PIP5K1C: variants seen among roughly 807,000 people sequenced by gnomAD.
PIP5K1C encodes the protein phosphatidylinositol-4-phosphate 5-kinase type 1 gamma, also known as phosphatidylinositol 4-phosphate 5-kinase type-1 gamma.
In PIP5K1C, 45 loss-of-function variants were observed where a neutral mutation model predicts 80.1. The ratio of observed to expected loss-of-function variants is 0.56; its 90% CI spans 0.44 to 0.72. The LOEUF (loss-of-function observed/expected upper bound fraction) is 0.72, where lower values mean the gene tolerates loss of function less well. PIP5K1C is among the 30% of genes least tolerant of loss of function. The pLI, the probability that PIP5K1C is intolerant of heterozygous loss-of-function variation, is 0.00. For synonymous variants in PIP5K1C, 498 were observed against 420.1 expected (o/e 1.19, Z -2.27); for missense variants, 753 against 954.6 (o/e 0.79, Z 2.78).
intron 1 of PIP5K1C, among the ~76,000 whole-genome samples, chr19:3,689,057 C>T (rs1043774656): frequency 3.3e-5 from 5 of 152,214 alleles, no homozygotes; most frequent in African/African-American, 1.2e-4. Context: ...CTCACTCTGT[C>T]GCCCAGGCTG....
chr19:3,642,707 G>A (rs561404957), intron 14 of PIP5K1C, among the ~76,000 whole-genome samples, 200 bp downstream of exon 14: 1 of 152,246 alleles, frequency 6.6e-6, no homozygotes, highest in South Asian at 2.1e-4. Flanking sequence ...CCACAGACCA[G>A]AGCTGCCCTG....
intron 1 of PIP5K1C, among the ~76,000 whole-genome samples, chr19:3,691,580 C>T (rs1476052158): frequency 7.8e-6 from 1 of 128,880 alleles, no homozygotes; most frequent in Non-Finnish European, 1.6e-5. Flanking sequence ...ATCCTAGGCA[C>T]ACCCAGCCCA....
At chr19:3,643,121 T>TCCAC in intron 13 of PIP5K1C, 122 bp downstream of exon 13, 1 of 1,479,536 alleles carries the variant, frequency 6.8e-7, no homozygotes, top group Non-Finnish European at 9.3e-7. Flanking sequence ...TGTATGTACA[T>TCCAC]CCACCGTACA....
chr19:3,637,737 T>C lies in PIP5K1C; in HGVS notation c.1920+1147A>G. The C allele has an allele frequency of 6.6e-7, 1 of 1,521,720 alleles. No homozygotes were observed. The highest frequency in any genetic ancestry group is 8.8e-7 in the Non-Finnish European group (1 of 1,140,648). The allele number at this position is 1,521,720 out of a possible 1,614,324, so 94.3% of individuals were successfully genotyped here. A position where few individuals can be genotyped will look rare whatever the true frequency, so the allele number is the denominator to read the frequency against. ...GTGGCGGGGAGCAGGTGGGGACAGC[T>C]GACTGCCAAGCAGAAGGTGGGGGGT... is the stretch of plus-strand genomic sequence containing the variant. On this transcript the variant is annotated intron_variant, in intron 16 of 17. Coordinates refer to ENST00000335312, the MANE Select transcript of PIP5K1C (RefSeq NM_012398.3). The surrounding 1 kb of genome is among the most constrained non-coding windows in gnomAD (Gnocchi z 7.0).
At chr19:3,699,278 C>A (rs902041749) in intron 1 of PIP5K1C, among the ~76,000 whole-genome samples, 1 of 149,114 alleles carries the variant, frequency 6.7e-6, no homozygotes, top group Non-Finnish European at 1.5e-5. Context: ...GGGTCACCTA[C>A]CAAGCGGTTC....
chr19:3,661,338 T>C lies in PIP5K1C; in HGVS notation c.351-255A>G, dbSNP rs140506757. Among the ~76,000 whole-genome samples the C allele has an allele frequency of 1.7e-3, 266 of 152,354 alleles. 7 individuals are homozygous for C. In the East Asian group the frequency reaches 0.041, roughly 23 times the overall value. ...CACATGGCCGCCAAGAACAGGACCA[T>C]GCCGCCCCAGCCTCTTGCAGCTAGG... On this transcript the variant is annotated intron_variant, in intron 4 of 17. Transcript: ENST00000335312.
chr19:3,693,410 G>A (rs1239935376), intron 1 of PIP5K1C, among the ~76,000 whole-genome samples: 4 of 152,150 alleles, frequency 2.6e-5, no homozygotes, highest in Non-Finnish European at 5.9e-5. Flanking sequence ...TCAGGGTGGC[G>A]GGGAGGCAGG....
intron 16 of PIP5K1C, 44 bp from the exon 17 acceptor site, chr19:3,633,564 T>C: frequency 7.6e-7 from 1 of 1,318,052 alleles, no homozygotes; most frequent in Non-Finnish European, 1.0e-6. Flanking sequence ...AAGAGCAGGG[T>C]GCGAGGAGGT....
chr19:3,671,469 C>G (rs1436787369), intron 1 of PIP5K1C, among the ~76,000 whole-genome samples: 1 of 152,238 alleles, frequency 6.6e-6, no homozygotes, highest in Non-Finnish European at 1.5e-5. Context: ...CCTGAGCTGG[C>G]TAACGGGGAG....
intron 5 of PIP5K1C, among the ~76,000 whole-genome samples, chr19:3,658,196 C>T (rs1335706550): frequency 1.3e-5 from 2 of 152,236 alleles, no homozygotes; most frequent in African/African-American, 2.4e-5. Flanking sequence ...AGTTATCACA[C>T]GTCGGTCAAC....
chr19:3,658,853 C>T (rs539562423), intron 5 of PIP5K1C, among the ~76,000 whole-genome samples: 77 of 152,328 alleles, frequency 5.1e-4, no homozygotes, highest in Admixed American at 9.1e-4. Flanking sequence ...TCAGCTGCTA[C>T]GGGGAAGCAG....
intron 2 of PIP5K1C, among the ~76,000 whole-genome samples, 169 bp from the exon 3 acceptor site, chr19:3,665,083 G>A (rs1037467742): frequency 3.9e-5 from 6 of 152,212 alleles, no homozygotes; most frequent in South Asian, 2.1e-4. Flanking sequence ...CCCCTCACCC[G>A]TGGGCGCCTG....
rs538772610 is a variant in PIP5K1C, at chr19:3,688,755, G to T, written c.94+11542C>A. On this transcript the variant is annotated intron_variant, in intron 1 of 17. Transcript: ENST00000335312. This position sits in a 1 kb window ranked among gnomAD's most constrained non-coding sequence, Gnocchi z 5.3. ...GAAAGAGAGAGAGAGAGAGGAGAGTGGGGGGAGAACGAGAGCGAGAGACAC... is the reference window on the plus strand; with the variant it reads ...GAAAGAGAGAGAGAGAGAGGAGAGTTGGGGGAGAACGAGAGCGAGAGACAC... 1.1e-3 allele frequency among the ~76,000 whole-genome samples: 171 copies of T among 152,156 alleles called. No homozygotes were observed. The Middle Eastern group carries it at 0.014, about 12-fold the overall frequency.
At chr19:3,664,702 G>C in intron 3 of PIP5K1C, 120 bp downstream of exon 3, 1 of 871,280 alleles carries the variant, frequency 1.1e-6, no homozygotes, top group Non-Finnish European at 1.9e-6. Flanking sequence ...GCCCACACCT[G>C]TCCCTGGGCA....
intron 1 of PIP5K1C, among the ~76,000 whole-genome samples, chr19:3,690,720 T>C (rs2035921888): frequency 6.6e-6 from 1 of 152,092 alleles, no homozygotes; most frequent in African/African-American, 2.4e-5. Flanking sequence ...GTGTCACCAA[T>C]AAATGAGTAG....
In PIP5K1C at chr19:3,700,452, G is replaced by A. The variant is rs1410397493; in HGVS notation, c.-62C>T. On this transcript the variant is annotated 5_prime_UTR_variant, in exon 1 of 18. Coordinates refer to ENST00000335312, the MANE Select transcript of PIP5K1C (RefSeq NM_012398.3). ...GACCCGAGCTGCGACCGCCGCCGCCGAACAACAAGCGCCGCCGGCCAAGGG... is the reference window on the plus strand; with the variant it reads ...GACCCGAGCTGCGACCGCCGCCGCCAAACAACAAGCGCCGCCGGCCAAGGG... 1.2e-5 allele frequency: 11 copies of A among 924,800 alleles called. No homozygotes were observed. The highest frequency in any genetic ancestry group is 9.4e-5 in the East Asian group (1 of 10,660). 57.3% of individuals were successfully genotyped at this position (924,800 alleles called of 1,614,324 possible).
chr19:3,687,348 T>C (rs1318809384), intron 1 of PIP5K1C, among the ~76,000 whole-genome samples: 1 of 152,140 alleles, frequency 6.6e-6, no homozygotes, highest in Non-Finnish European at 1.5e-5. Context: ...GGTGGCAGAC[T>C]GAGACTCAGT....
intron 16 of PIP5K1C, 86 bp downstream of exon 16, chr19:3,638,798 T>A (rs542085867): frequency 1.3e-6 from 2 of 1,543,992 alleles, no homozygotes; most frequent in Non-Finnish European, 1.8e-6. Flanking sequence ...TGTGCAGGTG[T>A]GTGTATGCGG....
Position 3,688,849 on chromosome 19 carries a change from G to A in PIP5K1C, c.94+11448C>T, listed in dbSNP as rs1433317221. Among the ~76,000 whole-genome samples the A allele has an allele frequency of 6.6e-6, 1 of 151,406 alleles. No individual in the cohort carries two copies. Among genetic ancestry groups the A allele is most frequent in the African/African-American group, 2.4e-5 (1 of 41,310 alleles). Reference sequence around the variant, plus strand: ...CCATGGCCCCCCACCCCGTTTTTGAGCCCCCACACAGCCGAATACATGCCC... The same window carrying A: ...CCATGGCCCCCCACCCCGTTTTTGAACCCCCACACAGCCGAATACATGCCC... On this transcript the variant is annotated intron_variant, in intron 1 of 17. Transcript: ENST00000335312. The surrounding 1 kb of genome is among the most constrained non-coding windows in gnomAD (Gnocchi z 5.3).
Sources: gnomAD v4.1 joint callset for allele counts (sites outside exome capture counted in the v4.1 genomes callset) on GRCh38, gnomAD v4.1.1 for gene constraint, Gnocchi (gnomAD v3.1) non-coding constraint, MANE v1.5 for transcripts, NCBI Gene and HGNC (gene_info 2026-07-23, HGNC 2026-07-21) for gene names.